DCN: variants seen among roughly 807,000 people sequenced by gnomAD.
DCN encodes the protein decorin.
A neutral mutation model predicts 36.5 loss-of-function variants in DCN; 17 were observed. That is an observed-to-expected ratio of 0.47 (90% confidence interval 0.32 to 0.70). The LOEUF (loss-of-function observed/expected upper bound fraction) is 0.70. DCN is among the 30% of genes least tolerant of loss of function. The probability of loss-of-function intolerance (pLI) is 0.04; values close to 1 mark genes in which losing one functional copy is unlikely to be tolerated. For missense variants in DCN, 389 were observed against 430.1 expected (o/e 0.90, Z 0.84); for synonymous variants, 163 against 161.4 (o/e 1.01, Z -0.07).
In DCN at chr12:91,153,232, T is replaced by C. The variant is rs769697176; in HGVS notation, c.653-43A>G. The stretch of plus-strand genomic sequence containing the variant: ...AGATGTTAAATTAGCAGATAAACAT[T>C]ATAAGTACAGAATGTGGACAAACTT... On this transcript the variant is annotated intron_variant, in intron 5 of 7. Coordinates refer to ENST00000052754, the MANE Select transcript of DCN (RefSeq NM_001920.5). 5.5e-6 allele frequency: 6 copies of C among 1,081,584 alleles called. No homozygotes were observed. The Admixed American group carries it at 6.7e-5, about 12-fold the overall frequency. The allele number at this position is 1,081,584 out of a possible 1,614,324, so 67.0% of individuals were successfully genotyped here.
intron 1 of DCN, 63 bp downstream of exon 1, chr12:91,182,592 C>T (rs1868450574): frequency 1.3e-5 from 2 of 151,560 alleles, no homozygotes; most frequent in East Asian, 3.9e-4. Flanking sequence ...CCCTTTTGCT[C>T]GCAACTTGAC....
At chr12:91,165,244 C>T (rs939484103) in intron 2 of DCN, among the ~76,000 whole-genome samples, 1 of 152,156 alleles carries the variant, frequency 6.6e-6, no homozygotes, top group Non-Finnish European at 1.5e-5. Flanking sequence ...ATTTATCCAA[C>T]ATTTTGGGAT....
intron 1 of DCN, among the ~76,000 whole-genome samples, chr12:91,181,424 A>T (rs938127814): frequency 6.6e-6 from 1 of 152,058 alleles, no homozygotes; most frequent in Admixed American, 6.6e-5. Flanking sequence ...AAGAGCAAAG[A>T]GCAGCTGTCC....
intron 6 of DCN, among the ~76,000 whole-genome samples, chr12:91,152,300 C>CATATATATATATAT (rs139523647): frequency 0.016 from 2,330 of 146,430 alleles, 62 homozygotes; most frequent in African/African-American, 0.057. Flanking sequence ...CACACACATG[C>CATATATATATATAT]ATATATATAT....
chr12:91,152,140 A>T (rs1398442500), intron 6 of DCN, among the ~76,000 whole-genome samples: 1 of 152,090 alleles, frequency 6.6e-6, no homozygotes, highest in East Asian at 1.9e-4. Context: ...ACTTATTCAA[A>T]CATTTATTTG....
chr12:91,145,404 G>A lies in DCN; in HGVS notation c.*654C>T, dbSNP rs1880945757. On this transcript the variant is annotated 3_prime_UTR_variant, in exon 8 of 8. Transcript: ENST00000052754. ...TTACCATACTCAAATGTAAGATAGG[G>A]AGAGGTAGAAGAAATAGCTGAGAAC... 6.5e-6 allele frequency: 1 copy of A among 154,858 alleles called. No individual in the cohort carries two copies. Among genetic ancestry groups the A allele is most frequent in the African/African-American group, 2.4e-5 (1 of 41,462 alleles). 9.6% of individuals were successfully genotyped at this position (154,858 alleles called of 1,614,324 possible). A position where few individuals can be genotyped will look rare whatever the true frequency, so the allele number is the denominator to read the frequency against.
chr12:91,153,300 T>G (rs1881554050), intron 5 of DCN, 111 bp from the exon 6 acceptor site: 16 of 733,450 alleles, frequency 2.2e-5, no homozygotes, highest in Non-Finnish European at 3.8e-5. Flanking sequence ...ACACACAGTT[T>G]CAAAGAATCA....
At chr12:91,146,539 A>C (rs987294175) in intron 7 of DCN, among the ~76,000 whole-genome samples, 2 of 151,634 alleles carry the variant, frequency 1.3e-5, no homozygotes, top group African/African-American at 4.8e-5. Flanking sequence ...TTTTTAGTAG[A>C]GTTGGGTTTT....
At chr12:91,147,272 C>T (rs941524200) in intron 7 of DCN, among the ~76,000 whole-genome samples, 1 of 152,296 alleles carries the variant, frequency 6.6e-6, no homozygotes, top group East Asian at 1.9e-4. Flanking sequence ...GTTTACTCAA[C>T]CTGGAATAAT....
intron 6 of DCN, 105 bp from the exon 7 acceptor site, chr12:91,151,897 G>C: frequency 6.1e-6 from 8 of 1,313,162 alleles, no homozygotes; most frequent in Non-Finnish European, 7.5e-6. Context: ...TTTTGTTTTT[G>C]CACTTACTCT....
At chr12:91,169,362 CAG>C (rs1482260603) in intron 2 of DCN, among the ~76,000 whole-genome samples, 4 of 92,560 alleles carry the variant, frequency 4.3e-5, no homozygotes, top group Non-Finnish European at 5.7e-5. Flanking sequence ...GCCTAGGCAA[CAG>C]GGGGAGATCC....
chr12:91,157,155 A>G lies in DCN; in HGVS notation c.572T>C (p.Ile191Thr), dbSNP rs1233382021. The change falls in exon 5 of 8, where the codon ATT becomes ACT. Residue 191 changes from isoleucine to threonine, a missense_variant. Transcript: ENST00000052754. Reference sequence around the variant, plus strand: ...CATTCCCTGGAAAGCCCCATTTTCAATTCCTGAGCTCTTCAGCGGATTGGT... The same window carrying G: ...CATTCCCTGGAAAGCCCCATTTTCAGTTCCTGAGCTCTTCAGCGGATTGGT... ...LGTNPLKSSG[I>T]ENGAFQGMKK... 3 of 1,613,984 alleles carry G rather than the reference A, an allele frequency of 1.9e-6. No individual in the cohort carries two copies. The highest frequency in any genetic ancestry group is 1.7e-5 in the Admixed American group (1 of 60,016).
chr12:91,151,834 A>T (rs1294189868), intron 6 of DCN, 42 bp from the exon 7 acceptor site: 1 of 1,612,060 alleles, frequency 6.2e-7, no homozygotes, highest in Admixed American at 1.7e-5. Flanking sequence ...CCACACATGG[A>T]TGCCTTTCTT....
In DCN at chr12:91,166,944, T is replaced by C. The variant is rs115527320; in HGVS notation, c.212-2227A>G. Among the ~76,000 whole-genome samples, 563 of 152,304 alleles carry C rather than the reference T, an allele frequency of 3.7e-3. 2 individuals carry two copies. Among genetic ancestry groups the C allele is most frequent in the African/African-American group, 0.013 (543 of 41,570 alleles). On this transcript the variant is annotated intron_variant, in intron 2 of 7. Coordinates refer to ENST00000052754, the MANE Select transcript of DCN (RefSeq NM_001920.5). ...ATTAATAATTTAGTTTTAGAGTTTA[T>C]TTTTAAAAATGAAAATATGTTATTA...
intron 7 of DCN, chr12:91,151,426 T>C (rs1330191423): frequency 1.9e-6 from 1 of 523,604 alleles, no homozygotes; most frequent in Non-Finnish European, 3.4e-6. Context: ...CAGAAGACTT[T>C]AAGTTTCATC....
chr12:91,169,540 T>A (rs1007475937), intron 2 of DCN: 6 of 152,112 alleles, frequency 3.9e-5, no homozygotes, highest in Non-Finnish European at 7.3e-5. Context: ...AAGTGTATTG[T>A]TAGATAAAAT....
At chr12:91,171,654 G>A (rs1413291989) in intron 2 of DCN, among the ~76,000 whole-genome samples, 1 of 152,212 alleles carries the variant, frequency 6.6e-6, no homozygotes, top group East Asian at 1.9e-4. Flanking sequence ...AGGCAATCCA[G>A]AGGATACAAC....
intron 3 of DCN, among the ~76,000 whole-genome samples, chr12:91,163,480 C>T (rs1882294714): frequency 6.6e-6 from 1 of 152,168 alleles, no homozygotes; most frequent in Non-Finnish European, 1.5e-5. Context: ...CTCTGAGACC[C>T]TCAAATTCTT....
chr12:91,161,877 A>G (rs1044666888), intron 3 of DCN, among the ~76,000 whole-genome samples: 2 of 151,852 alleles, frequency 1.3e-5, no homozygotes, highest in South Asian at 2.1e-4. Context: ...CTCACTACTC[A>G]TATCATATTG....
Sources: gnomAD v4.1 joint callset for allele counts (sites outside exome capture counted in the v4.1 genomes callset) on GRCh38, gnomAD v4.1.1 for gene constraint, MANE v1.5 for transcripts, NCBI Gene and HGNC (gene_info 2026-07-23, HGNC 2026-07-21) for gene names.